The following ACOT11 variants were observed in gnomAD, a reference collection of about 807,000 sequenced individuals.
ACOT11 encodes the protein acyl-coenzyme A thioesterase 11.
Under a neutral mutation model 77.5 loss-of-function variants are expected in ACOT11, and 69 were observed. That is an observed-to-expected ratio of 0.89 (90% CI 0.73 to 1.09). The LOEUF (loss-of-function observed/expected upper bound fraction) is 1.09. Ranked by LOEUF, ACOT11 falls within the 50% of genes least tolerant of loss-of-function variation. The pLI is 0.00. For synonymous variants in ACOT11, 279 were observed against 313.0 expected, an observed-to-expected ratio of 0.89 and a Z score of 1.15; for missense variants, 766 against 813.7, an observed-to-expected ratio of 0.94 and a Z score of 0.71.
At chr1:54,635,226 A>G (rs1274891792) in exon 17 of ACOT11, 7 of 224,212 alleles carry the variant, frequency 3.1e-5, no homozygotes, top group Non-Finnish European at 6.1e-5. Context: ...CTATGGAATC[A>G]TTACTAATTG....
Position 54,594,704 on chromosome 1 carries a change from C to T in ACOT11, c.607+13C>T. ...GCCATTCAGGGCGGTGAGCAGCTGC[C>T]AGCTGTGCATGGGGAGGGTAGCTGG... On this transcript the variant is annotated intron_variant, in intron 6 of 15. Transcript: ENST00000343744. The T allele has an allele frequency of 6.2e-7, 1 of 1,604,356 alleles. No homozygotes were observed. Among genetic ancestry groups the T allele is most frequent in the Non-Finnish European group, 8.5e-7 (1 of 1,173,438 alleles).
intron 15 of ACOT11, among the ~76,000 whole-genome samples, chr1:54,627,451 A>G (rs1475855627): frequency 7.4e-6 from 1 of 134,616 alleles, no homozygotes. Context: ...TGTCTGTGAC[A>G]CTTCTCGTGG....
chr1:54,567,343 A>G (rs1233984119), intron 1 of ACOT11, among the ~76,000 whole-genome samples: 1 of 148,524 alleles, frequency 6.7e-6, no homozygotes, highest in Non-Finnish European at 1.5e-5. Context: ...CAATGGCGCG[A>G]TCTAGGCTCA....
Position 54,609,362 on chromosome 1 carries a change from A to C in ACOT11, c.*250A>C. 6.2e-7 allele frequency: 1 copy of C among 1,614,164 alleles called. No individual in the cohort carries two copies. The highest frequency in any genetic ancestry group is 8.5e-7 in the Non-Finnish European group (1 of 1,180,026). ...CCTGTCCACAGCCCTAGCTGCCAGC[A>C]ATGCTGTCCTCACAGAGGCATAGTC... On this transcript the variant is annotated 3_prime_UTR_variant, in exon 16 of 16. Transcript: ENST00000343744.
At chr1:54,572,880 A>G in intron 1 of ACOT11, 2 of 969,838 alleles carry the variant, frequency 2.1e-6, no homozygotes, top group Non-Finnish European at 2.5e-6. Context: ...TGCACCTGAG[A>G]GAGGCCTGTC....
At chr1:54,634,479 T>C (rs1644319670) in intron 16 of ACOT11, among the ~76,000 whole-genome samples, 1 of 152,200 alleles carries the variant, frequency 6.6e-6, no homozygotes, top group African/African-American at 2.4e-5. Context: ...ATGTGGTTCA[T>C]TCCACACAGT....
At chr1:54,579,446 A>G (rs1476356090) in intron 1 of ACOT11, among the ~76,000 whole-genome samples, 2 of 151,636 alleles carry the variant, frequency 1.3e-5, no homozygotes, top group Admixed American at 1.3e-4. Flanking sequence ...ATAGGCCAAA[A>G]GAGGAGCTTT....
Position 54,594,647 on chromosome 1 carries a change from C to G in ACOT11, c.563C>G (p.Ala188Gly). The G allele has an allele frequency of 6.2e-7, 1 of 1,614,038 alleles. No homozygotes were observed. Among genetic ancestry groups the G allele is most frequent in the South Asian group, 1.1e-5 (1 of 91,052 alleles). Reference sequence around the variant, plus strand: ...CGCCGGCGCATGCGCCTTGTCTATGCAGACACCATCAAGGACCTCCTGGCC... The same window carrying G: ...CGCCGGCGCATGCGCCTTGTCTATGGAGACACCATCAAGGACCTCCTGGCC... Reference protein sequence around the residue: ...AERRRMRLVYADTIKDLLANC... With the variant: ...AERRRMRLVYGDTIKDLLANC... Residue 188 changes from alanine to glycine, a missense_variant, in exon 6 of 16, where the codon GCA becomes GGA. Coordinates refer to ENST00000343744, the MANE Select transcript of ACOT11 (RefSeq NM_147161.4).
At chr1:54,556,550 A>G (rs186907705) in intron 1 of ACOT11, among the ~76,000 whole-genome samples, 5 of 151,234 alleles carry the variant, frequency 3.3e-5, no homozygotes, top group Admixed American at 3.3e-4. Context: ...ATCTTCTTCA[A>G]TTTCTTTCAT....
chr1:54,607,690 G>A lies in ACOT11; in HGVS notation c.1503-252G>A, dbSNP rs781729905. Among the ~76,000 whole-genome samples the A allele has an allele frequency of 7.2e-5, 11 of 152,134 alleles. No homozygotes were observed. Among genetic ancestry groups the A allele is most frequent in the Non-Finnish European group, 1.0e-4 (7 of 68,028 alleles). On this transcript the variant is annotated intron_variant, in intron 14 of 15. Transcript: ENST00000343744. This position sits in a 1 kb window ranked among gnomAD's most constrained non-coding sequence, Gnocchi z 4.5. ...GTCTTCCCCTGAGCGTTGAAGTGGA[G>A]TGGCTTTTCCAGAAAGTCCACAGTG...
At position 54,599,404 on chromosome 1, in the gene ACOT11, C is replaced by G; in HGVS notation, c.873C>G (p.Ala291=). ...RLVLKAIVNN[A]FKHSMEVGVC... ...TGCTCAAAGCCATCGTGAACAATGCCTTCAAACATAGGTGAGGGTCTGGGA... is the reference window on the plus strand; with the variant it reads ...TGCTCAAAGCCATCGTGAACAATGCGTTCAAACATAGGTGAGGGTCTGGGA... Residue 291 remains alanine (A), a synonymous_variant, in exon 8 of 16, where the codon GCC becomes GCG. Transcript: ENST00000343744. The G allele has an allele frequency of 1.2e-6, 2 of 1,604,148 alleles. No homozygotes were observed. The highest frequency in any genetic ancestry group is 1.7e-6 in the Non-Finnish European group (2 of 1,174,728).
At position 54,584,345 on chromosome 1, in the gene ACOT11, C is replaced by T. The variant is rs985136359; in HGVS notation, c.34-310C>T. On this transcript the variant is annotated intron_variant, in intron 1 of 15. Transcript: ENST00000343744. The surrounding 1 kb of genome is among the most constrained non-coding windows in gnomAD (Gnocchi z 6.3). The stretch of plus-strand genomic sequence containing the variant: ...TAAGGCAACACTTTAAACAGTTGGC[C>T]CAGGAGCTGAAGCAAGGAGGACTGA... Among the ~76,000 whole-genome samples, 1 of 152,142 alleles carries T rather than the reference C, an allele frequency of 6.6e-6. No individual in the cohort carries two copies. The highest frequency in any genetic ancestry group is 1.5e-5 in the Non-Finnish European group (1 of 68,024).
At chr1:54,592,641 G>A (rs373473682) in intron 4 of ACOT11, 35 bp downstream of exon 4, 118 of 1,607,776 alleles carry the variant, frequency 7.3e-5, no homozygotes, top group South Asian at 7.3e-4. Context: ...GAGTGGGTGC[G>A]TGGGTGGGTC....
chr1:54,630,658 G>A, intron 15 of ACOT11: 1 of 555,872 alleles, frequency 1.8e-6, no homozygotes, highest in Non-Finnish European at 3.3e-6. Flanking sequence ...CGGGCTCTCA[G>A]CTCTGAAGGC....
downstream of ACOT11, chr1:54,614,962 G>GTGTTCA: frequency 8.6e-7 from 1 of 1,164,722 alleles, no homozygotes. Context: ...GTGCATGTGC[G>GTGTTCA]TGCACAGTGG....
rs1231249436 is a variant in ACOT11 at position 54,607,107 on chromosome 1, G to A, written c.1371-27G>A. 1.2e-6 allele frequency: 2 copies of A among 1,613,254 alleles called. No individual in the cohort carries two copies. Among genetic ancestry groups the A allele is most frequent in the South Asian group, 2.2e-5 (2 of 91,056 alleles). On this transcript the variant is annotated intron_variant, in intron 13 of 15. Coordinates refer to ENST00000343744, the MANE Select transcript of ACOT11 (RefSeq NM_147161.4). The surrounding 1 kb of genome is among the most constrained non-coding windows in gnomAD (Gnocchi z 4.5). ...TGCATGGGAGCTGGAAGCTTCCTGG[G>A]GCACTGAGATCCCGGCCTCCCCACA...
intron 1 of ACOT11, among the ~76,000 whole-genome samples, chr1:54,561,056 G>A (rs1653458046): frequency 1.3e-5 from 2 of 151,508 alleles, no homozygotes; most frequent in African/African-American, 4.9e-5. Flanking sequence ...GTGAGCCATC[G>A]TGCCCAGCTG....
At chr1:54,571,697 T>C (rs1653934267) in intron 1 of ACOT11, among the ~76,000 whole-genome samples, 1 of 152,204 alleles carries the variant, frequency 6.6e-6, no homozygotes, top group Non-Finnish European at 1.5e-5. Context: ...AGGAATGTTT[T>C]CTTGAACACT....
intron 15 of ACOT11, chr1:54,623,174 T>C (rs1422992967): frequency 2.7e-6 from 2 of 746,454 alleles, no homozygotes; most frequent in East Asian, 2.6e-5. Flanking sequence ...CAAAACTCCG[T>C]CTAAAAAAAA....
Sources: allele counts gnomAD v4.1 joint callset (sites outside exome capture counted in the v4.1 genomes callset), GRCh38; gene constraint gnomAD v4.1.1; non-coding constraint Gnocchi (gnomAD v3.1); transcripts MANE v1.5; gene names NCBI Gene and HGNC (gene_info 2026-07-23, HGNC 2026-07-21).